The following HPSE2 variants were observed in gnomAD, a reference collection of about 807,000 sequenced individuals.
HPSE2 encodes the protein heparanase 2 (inactive), also known as inactive heparanase-2.
In HPSE2, 38 loss-of-function variants were observed where a neutral mutation model predicts 60.5. That is an observed-to-expected ratio of 0.63 (90% CI 0.48 to 0.82). The LOEUF (loss-of-function observed/expected upper bound fraction) is 0.82. HPSE2 is among the 40% of genes least tolerant of loss of function. HPSE2 has a pLI of 0.00. For missense variants in HPSE2, 713 were observed against 740.4 expected (o/e 0.96, Z 0.43); for synonymous variants, 295 against 293.2 (o/e 1.01, Z -0.06).
At chr10:99,097,755 T>C (rs184222924) in intron 3 of HPSE2, among the ~76,000 whole-genome samples, 25 of 152,362 alleles carry the variant, frequency 1.6e-4, no homozygotes, top group African/African-American at 6.0e-4. Flanking sequence ...ATCTAAACTA[T>C]AATCCTACGA....
chr10:99,256,309 A>T, the HPSE2 span, among the ~76,000 whole-genome samples: 1 of 131,096 alleles, frequency 7.6e-6, no homozygotes, highest in African/African-American at 2.8e-5. Context: ...AAAAGGCTTG[A>T]GCCTGCAAGT....
intron 3 of HPSE2, among the ~76,000 whole-genome samples, chr10:99,114,775 G>A (rs1453322462): frequency 1.3e-5 from 2 of 151,638 alleles, no homozygotes; most frequent in East Asian, 2.0e-4. Flanking sequence ...TTGGCTGGGC[G>A]TGGTGGTAGG....
At chr10:99,268,507 G>A in the HPSE2 span, among the ~76,000 whole-genome samples, 1 of 151,594 alleles carries the variant, frequency 6.6e-6, no homozygotes, top group Non-Finnish European at 1.5e-5. Flanking sequence ...TTAGCCGGGT[G>A]TGGTGGTGTG....
chr10:99,235,881 T>G, upstream of HPSE2: 2 of 1,247,284 alleles, frequency 1.6e-6, no homozygotes, highest in South Asian at 2.5e-5. Context: ...TGTGTGTCTG[T>G]CCGCCTTTTT....
chr10:98,615,135 C>G, intron 8 of HPSE2, 117 bp from the exon 9 acceptor site: 1 of 733,862 alleles, frequency 1.4e-6, no homozygotes. Context: ...CCAAATTTAC[C>G]TAGTACTTTA....
intron 3 of HPSE2, among the ~76,000 whole-genome samples, chr10:99,114,864 A>C (rs1034391850): frequency 2.7e-5 from 4 of 149,638 alleles, no homozygotes; most frequent in Non-Finnish European, 5.9e-5. Context: ...CAGTGAGCCA[A>C]GATGGCGCCA....
chr10:99,020,772 G>T (rs11189936), intron 3 of HPSE2, among the ~76,000 whole-genome samples: 9,213 of 152,180 alleles, frequency 0.061, 382 homozygotes, highest in East Asian at 0.14. Flanking sequence ...CCTACCCACA[G>T]TGAAAAAGAG....
At chr10:98,750,541 AT>A (rs1381195914) in intron 3 of HPSE2, among the ~76,000 whole-genome samples, 1 of 152,172 alleles carries the variant, frequency 6.6e-6, no homozygotes, top group African/African-American at 2.4e-5. Flanking sequence ...GCAAGGGATC[AT>A]TGTGGCTTGG....
intron 3 of HPSE2, among the ~76,000 whole-genome samples, chr10:99,071,188 G>A (rs1842778789): frequency 6.6e-6 from 1 of 150,878 alleles, no homozygotes; most frequent in African/African-American, 2.4e-5. Flanking sequence ...TCCTGACTCA[G>A]CCTCCTGAGT....
chr10:98,805,730 C>A (rs1589856351), intron 3 of HPSE2, among the ~76,000 whole-genome samples: 1 of 152,178 alleles, frequency 6.6e-6, no homozygotes, highest in East Asian at 1.9e-4. Flanking sequence ...GTTGCTTTTA[C>A]ATCATAGACA....
At position 98,817,391 on chromosome 10, in the gene HPSE2, C is replaced by CT. The variant is rs147667967; in HGVS notation, c.611-73336dup. 8.7e-4 allele frequency among the ~76,000 whole-genome samples: 132 copies of CT among 152,122 alleles called. 2 individuals are homozygous for CT. In the East Asian group the frequency reaches 0.021, roughly 24 times the overall value. On this transcript the variant is annotated intron_variant, in intron 3 of 11. Coordinates refer to ENST00000370552, the MANE Select transcript of HPSE2 (RefSeq NM_021828.5). Reference sequence around the variant, plus strand: ...GAATTACAATAACCAAATTGGGGTTCTTTTTTCCCCAAAACTAGGCTTCTC... The same window carrying CT: ...GAATTACAATAACCAAATTGGGGTTCTTTTTTTCCCCAAAACTAGGCTTCTC...
chr10:98,574,212 G>T (rs1944580194), intron 9 of HPSE2, among the ~76,000 whole-genome samples: 1 of 152,156 alleles, frequency 6.6e-6, no homozygotes, highest in Non-Finnish European at 1.5e-5. Flanking sequence ...AGTATCTTCA[G>T]TGTATGACAA....
intron 3 of HPSE2, among the ~76,000 whole-genome samples, chr10:99,009,240 C>CAAAAAA (rs56775967): frequency 5.4e-5 from 4 of 74,414 alleles, no homozygotes; most frequent in East Asian, 4.2e-4. Context: ...CCAGTGTCTA[C>CAAAAAA]AAAAAAAAAA....
the HPSE2 span, among the ~76,000 whole-genome samples, chr10:99,267,403 T>A: frequency 6.6e-6 from 1 of 151,378 alleles, no homozygotes; most frequent in Non-Finnish European, 1.5e-5. Flanking sequence ...AAAGATAAGG[T>A]TTTCAAATTA....
chr10:99,310,696 G>A, the HPSE2 span, among the ~76,000 whole-genome samples: 9 of 152,020 alleles, frequency 5.9e-5, no homozygotes, highest in African/African-American at 1.9e-4. Context: ...GTGTGATCTC[G>A]ACTCACTGCA....
intron 3 of HPSE2, among the ~76,000 whole-genome samples, chr10:99,075,363 A>G (rs1225339329): frequency 6.6e-6 from 1 of 151,966 alleles, no homozygotes; most frequent in African/African-American, 2.4e-5. Context: ...TTTATTTCTA[A>G]TTTCCATTCC....
chr10:99,204,857 T>C (rs1302714145), intron 2 of HPSE2, among the ~76,000 whole-genome samples: 1 of 152,254 alleles, frequency 6.6e-6, no homozygotes, highest in Non-Finnish European at 1.5e-5. Flanking sequence ...GTCTATGTTA[T>C]TTACTGCAAT....
the HPSE2 span, among the ~76,000 whole-genome samples, chr10:99,255,357 C>T: frequency 2.6e-5 from 4 of 152,118 alleles, no homozygotes. Flanking sequence ...ATACCTGTCC[C>T]CAATTTATTC....
At chr10:99,115,468 T>A (rs1266360227) in intron 3 of HPSE2, among the ~76,000 whole-genome samples, 5 of 151,830 alleles carry the variant, frequency 3.3e-5, no homozygotes, top group African/African-American at 1.2e-4. Context: ...TTTTTTTTTT[T>A]ATTTTTTGTA....
Sources: gnomAD v4.1 joint callset for allele counts (sites outside exome capture counted in the v4.1 genomes callset) on GRCh38, gnomAD v4.1.1 for gene constraint, MANE v1.5 for transcripts, NCBI Gene and HGNC (gene_info 2026-07-23, HGNC 2026-07-21) for gene names.